PYY: variants seen among roughly 807,000 people sequenced by gnomAD.
PYY encodes peptide YY, also known as peptide tyrosine tyrosine.
Under a neutral mutation model 10.3 loss-of-function variants are expected in PYY, and 12 were observed. The ratio of observed to expected loss-of-function variants is 1.17; its 90% CI spans 0.75 to 1.89. PYY has a LOEUF of 1.89. Among genes scored for constraint, PYY ranks in the 40% most tolerant of loss-of-function variants. PYY has a pLI of 0.00. For missense variants in PYY, 141 were observed against 134.0 expected, an observed-to-expected ratio of 1.05 and a Z score of -0.26; for synonymous variants, 66 against 62.0, an observed-to-expected ratio of 1.06 and a Z score of -0.30.
chr17:44,002,012 G>C (rs1034952589), intron 1 of PYY, among the ~76,000 whole-genome samples: 1 of 152,154 alleles, frequency 6.6e-6, no homozygotes, highest in Non-Finnish European at 1.5e-5. Context: ...GTGTGTGGCC[G>C]GGCCTGAGAG....
chr17:43,967,195 C>T (rs935868043), intron 1 of PYY, among the ~76,000 whole-genome samples: 2 of 152,014 alleles, frequency 1.3e-5, no homozygotes, highest in African/African-American at 2.4e-5. Context: ...CCCAGCTACT[C>T]GGGAGGCTGA....
intron 2 of PYY, among the ~76,000 whole-genome samples, chr17:43,963,444 G>T (rs1379432706): frequency 2.7e-5 from 4 of 146,234 alleles, no homozygotes; most frequent in African/African-American, 1.0e-4. Flanking sequence ...GGAGGCGGAG[G>T]TTACAGCGAG....
upstream of PYY, among the ~76,000 whole-genome samples, chr17:43,955,347 G>C (rs1448620797): frequency 6.6e-6 from 1 of 152,212 alleles, no homozygotes; most frequent in Non-Finnish European, 1.5e-5. Flanking sequence ...TTCTGAGCCA[G>C]CCCCTCCAGC....
At chr17:43,990,751 A>G (rs1450771365) in intron 1 of PYY, among the ~76,000 whole-genome samples, 1 of 151,308 alleles carries the variant, frequency 6.6e-6, no homozygotes, top group Non-Finnish European at 1.5e-5. Context: ...CACCTAAAAG[A>G]TGATTACGAA....
intron 1 of PYY, among the ~76,000 whole-genome samples, chr17:43,977,151 G>C (rs1472492725): frequency 6.6e-6 from 1 of 152,162 alleles, no homozygotes; most frequent in East Asian, 1.9e-4. Flanking sequence ...TTGAGCTGCT[G>C]TGCAGCCCAT....
chr17:43,985,155 T>TACC (rs2143944157), intron 1 of PYY, among the ~76,000 whole-genome samples: 2 of 152,110 alleles, frequency 1.3e-5, no homozygotes, highest in East Asian at 3.9e-4. Flanking sequence ...ACATGAAGAG[T>TACC]ACCTACAAGT....
chr17:43,959,103 G>T (rs1242397877), intron 2 of PYY, among the ~76,000 whole-genome samples: 1 of 152,196 alleles, frequency 6.6e-6, no homozygotes, highest in Non-Finnish European at 1.5e-5. Context: ...TTGTGGGTGT[G>T]ATTTATGCAA....
intron 2 of PYY, among the ~76,000 whole-genome samples, chr17:43,959,487 C>G (rs1166862115): frequency 6.6e-6 from 1 of 152,140 alleles, no homozygotes; most frequent in South Asian, 2.1e-4. Context: ...GAGTTTGAGA[C>G]CAGCCTGGCC....
chr17:43,967,546 A>C (rs946778497), intron 1 of PYY, among the ~76,000 whole-genome samples: 3 of 152,196 alleles, frequency 2.0e-5, no homozygotes, highest in African/African-American at 7.2e-5. Flanking sequence ...TAGGAAAATT[A>C]CTTAACCTCT....
intron 1 of PYY, among the ~76,000 whole-genome samples, chr17:43,969,740 C>CA (rs1037929576): frequency 1.4e-4 from 12 of 88,678 alleles, no homozygotes; most frequent in East Asian, 4.5e-4. Flanking sequence ...CCTGTCTCTA[C>CA]AAAAAAAACT....
chr17:43,956,724 C>T (rs542434922), upstream of PYY, among the ~76,000 whole-genome samples: 1 of 152,160 alleles, frequency 6.6e-6, no homozygotes, highest in East Asian at 1.9e-4. Context: ...GATGGTGTGG[C>T]CTCTGCCATT....
intron 1 of PYY, among the ~76,000 whole-genome samples, chr17:43,985,040 G>A (rs1251664372): frequency 6.6e-6 from 1 of 152,110 alleles, no homozygotes; most frequent in South Asian, 2.1e-4. Context: ...ACATTAAAAT[G>A]TAATAGTTCT....
chr17:43,985,566 G>A (rs1481212218), intron 1 of PYY, among the ~76,000 whole-genome samples: 1 of 152,212 alleles, frequency 6.6e-6, no homozygotes, highest in Non-Finnish European at 1.5e-5. Context: ...CCTCACTGGT[G>A]AGACTGTAAC....
chr17:43,960,532 C>CAAA (rs1170040925), intron 2 of PYY, among the ~76,000 whole-genome samples: 3,828 of 58,316 alleles, frequency 0.066, 529 homozygotes, highest in South Asian at 0.091. Flanking sequence ...GACTTTGTCT[C>CAAA]AAAAAAAAAA....
chr17:43,956,989 G>A (rs2048676440), upstream of PYY, among the ~76,000 whole-genome samples: 1 of 151,908 alleles, frequency 6.6e-6, no homozygotes, highest in African/African-American at 2.4e-5. Flanking sequence ...CACGAGGTCA[G>A]GAGTTCAAGA....
chr17:43,953,120 G>C lies in PYY; in HGVS notation c.258C>G (p.Pro86=). ...KTFFPDGEDR[P]VRSRSEGPDL... Reference sequence around the variant, plus strand: ...ACGGGCGCTTTTACCGCGACCTGACGGGGCGGTCCTCGCCGTCGGGGAAGA... The same window carrying C: ...ACGGGCGCTTTTACCGCGACCTGACCGGGCGGTCCTCGCCGTCGGGGAAGA... Residue 86 remains proline (P), a synonymous_variant, in exon 3 of 4, where the codon CCC becomes CCG. Transcript: ENST00000692052. The C allele has an allele frequency of 6.2e-7, 1 of 1,614,016 alleles. No individual in the cohort carries two copies.
chr17:43,962,270 C>A (rs1308951642), intron 2 of PYY, among the ~76,000 whole-genome samples: 1 of 152,136 alleles, frequency 6.6e-6, no homozygotes, highest in Non-Finnish European at 1.5e-5. Context: ...CCTTCCATGA[C>A]CCTTAATGCA....
intron 1 of PYY, among the ~76,000 whole-genome samples, chr17:43,979,922 C>T (rs2048871681): frequency 6.6e-6 from 1 of 152,028 alleles, no homozygotes; most frequent in Non-Finnish European, 1.5e-5. Context: ...AAGACTAGCA[C>T]ACCTAAAGTG....
rs190517139 is a variant in PYY at position 43,984,937 on chromosome 17, A to G, written c.-462-18405T>C. Among the ~76,000 whole-genome samples the G allele has an allele frequency of 3.0e-4, 46 of 152,268 alleles. No homozygotes were observed. In the East Asian group the frequency reaches 7.3e-3, roughly 24 times the overall value. ...TCTGTTTCTCTTCTAAAGTTGTAGAAAAGTTGTTATATAACTTTTATAATG... is the reference window on the plus strand; with the variant it reads ...TCTGTTTCTCTTCTAAAGTTGTAGAGAAGTTGTTATATAACTTTTATAATG... On this transcript the variant is annotated intron_variant, in intron 1 of 6. Transcript: ENST00000360085.
Sources: allele counts gnomAD v4.1 joint callset (sites outside exome capture counted in the v4.1 genomes callset), GRCh38; gene constraint gnomAD v4.1.1; transcripts MANE v1.5; gene names NCBI Gene and HGNC (gene_info 2026-07-23, HGNC 2026-07-21).